The following SLC25A28 variants were observed in gnomAD, a reference collection of about 807,000 sequenced individuals.
SLC25A28 encodes the protein mitoferrin-2.
SLC25A28 carries 10 observed loss-of-function variants against 31.9 expected under a neutral mutation model. That is an observed-to-expected ratio of 0.31 (90% confidence interval 0.19 to 0.53). The LOEUF (loss-of-function observed/expected upper bound fraction) is 0.53. Among genes scored for constraint, SLC25A28 ranks in the 20% least tolerant of loss-of-function variants. The pLI is 0.95. For missense variants in SLC25A28, 256 were observed against 490.3 expected, an observed-to-expected ratio of 0.52 and a Z score of 4.51; for synonymous variants, 208 against 203.6, an observed-to-expected ratio of 1.02 and a Z score of -0.19.
At chr10:99,625,007 G>A (rs1404228471), upstream of SLC25A28, among the ~76,000 whole-genome samples, 7 of 152,050 alleles carry the variant, frequency 4.6e-5, no homozygotes, top group African/African-American at 9.6e-5. Flanking sequence ...GAATGAAGCC[G>A]CGGACACTCG....
chr10:99,629,543 T>C, the SLC25A28 span, among the ~76,000 whole-genome samples: 1 of 152,116 alleles, frequency 6.6e-6, no homozygotes, highest in South Asian at 2.1e-4. Context: ...AGACAAATAA[T>C]GGATAAATAG....
Position 99,617,853 on chromosome 10 carries a change from T to A in SLC25A28, c.291+2192A>T, listed in dbSNP as rs144432763. The A allele has an allele frequency of 1.6e-5, 13 of 834,908 alleles. No homozygotes were observed. In the African/African-American group the frequency reaches 2.4e-4, roughly 15 times the overall value. 51.7% of individuals were successfully genotyped at this position (834,908 alleles called of 1,614,324 possible). On this transcript the variant is annotated intron_variant, in intron 1 of 3. Coordinates refer to ENST00000370495, the MANE Select transcript of SLC25A28 (RefSeq NM_031212.4). ...TAAAAAACAAAAATTCCAAAGTTTA[T>A]GTAAATGAGTAAGAACTGTTCTTCA...
At chr10:99,654,523 G>A in the SLC25A28 span, among the ~76,000 whole-genome samples, 1 of 152,110 alleles carries the variant, frequency 6.6e-6, no homozygotes. Context: ...CTAGCCAGGT[G>A]TGGTGACGTG....
chr10:99,658,753 G>A, the SLC25A28 span, among the ~76,000 whole-genome samples: 1 of 152,304 alleles, frequency 6.6e-6, no homozygotes, highest in Non-Finnish European at 1.5e-5. Context: ...GTTGGAAAGA[G>A]CTTGGACTTT....
the SLC25A28 span, among the ~76,000 whole-genome samples, chr10:99,627,219 C>T: frequency 1.3e-3 from 202 of 151,382 alleles, 1 homozygote; most frequent in African/African-American, 4.8e-3. Flanking sequence ...CCAGCCTAGG[C>T]GACAGACCGA....
In SLC25A28 at chr10:99,613,456, A is replaced by T. The variant is rs2034577121; in HGVS notation, c.520+240T>A. On this transcript the variant is annotated intron_variant, in intron 2 of 3. Coordinates refer to ENST00000370495, the MANE Select transcript of SLC25A28 (RefSeq NM_031212.4). This position sits in a 1 kb window ranked among gnomAD's most constrained non-coding sequence, Gnocchi z 4.9. ...TGATGCCAGGGAGATGAGAGGAACA[A>T]GTCAAGCTGGTAGGTAAGGGAGGAT... 2.2e-6 allele frequency: 3 copies of T among 1,391,150 alleles called. No homozygotes were observed. The African/African-American group carries it at 4.4e-5, about 20-fold the overall frequency. 86.2% of individuals were successfully genotyped at this position (1,391,150 alleles called of 1,614,324 possible).
At chr10:99,636,715 A>G in the SLC25A28 span, among the ~76,000 whole-genome samples, 2 of 152,198 alleles carry the variant, frequency 1.3e-5, no homozygotes, top group Non-Finnish European at 2.9e-5. Flanking sequence ...TACCTGGAAA[A>G]ATATAACCCC....
At chr10:99,651,608 T>TTTTTTTTTTTTTTGG in the SLC25A28 span, among the ~76,000 whole-genome samples, 1 of 148,522 alleles carries the variant, frequency 6.7e-6, no homozygotes, top group African/African-American at 2.5e-5. Context: ...TTTTTTTTTT[T>TTTTTTTTTTTTTTGG]GAGGTAGGGT....
chr10:99,614,012 C>A, intron 1 of SLC25A28, 88 bp from the exon 2 acceptor site: 1 of 1,398,512 alleles, frequency 7.2e-7, no homozygotes, highest in Non-Finnish European at 9.5e-7. Flanking sequence ...CTACATGGAG[C>A]TGTGCCAATC....
At chr10:99,658,213 C>T in the SLC25A28 span, among the ~76,000 whole-genome samples, 12 of 152,084 alleles carry the variant, frequency 7.9e-5, no homozygotes, top group Non-Finnish European at 1.5e-4. Flanking sequence ...AAGTAGTTTT[C>T]CTAATGTCCT....
chr10:99,632,071 T>C, the SLC25A28 span, among the ~76,000 whole-genome samples: 1 of 150,066 alleles, frequency 6.7e-6, no homozygotes, highest in Non-Finnish European at 1.5e-5. Flanking sequence ...TAATTTTTTG[T>C]ATTTTTAGTA....
chr10:99,616,319 GTCAT>G lies in SLC25A28; in HGVS notation c.292-2399_292-2396del. 3 of 784,946 alleles carry G rather than the reference GTCAT, an allele frequency of 3.8e-6. No individual in the cohort carries two copies. The African/African-American group carries it at 5.6e-5, about 15-fold the overall frequency. 48.6% of individuals were successfully genotyped at this position (784,946 alleles called of 1,614,324 possible). On this transcript the variant is annotated intron_variant, in intron 1 of 3. Transcript: ENST00000370495. ...CTTAACCTCTTTAAGCTTCAAAATT[GTCAT>G]CTATAACATGAGGCCAAGAATGACT...
At chr10:99,639,293 C>A in the SLC25A28 span, among the ~76,000 whole-genome samples, 1 of 146,436 alleles carries the variant, frequency 6.8e-6, no homozygotes, top group Non-Finnish European at 1.5e-5. Flanking sequence ...TGTGAGGATG[C>A]AAAGCCATAA....
chr10:99,658,448 GGACA>G, the SLC25A28 span, among the ~76,000 whole-genome samples: 21 of 152,236 alleles, frequency 1.4e-4, no homozygotes, highest in African/African-American at 5.1e-4. Context: ...CTGTCTAGTG[GGACA>G]GACAGACAGA....
upstream of SLC25A28, among the ~76,000 whole-genome samples, chr10:99,623,965 C>G (rs1163727053): frequency 6.6e-6 from 1 of 152,170 alleles, no homozygotes; most frequent in Non-Finnish European, 1.5e-5. Flanking sequence ...AATGATGTTA[C>G]CTGAAGAATT....
the SLC25A28 span, among the ~76,000 whole-genome samples, chr10:99,633,449 A>G: frequency 7.2e-5 from 11 of 152,074 alleles, no homozygotes; most frequent in Non-Finnish European, 1.3e-4. Flanking sequence ...TAATCCCAGC[A>G]CTTTGGGAGG....
chr10:99,621,015 G>C (rs904090811), upstream of SLC25A28: 6 of 979,974 alleles, frequency 6.1e-6, no homozygotes, highest in Admixed American at 1.2e-4. Flanking sequence ...GCCCCGGAGA[G>C]CCGTGTTCCC....
In SLC25A28 at chr10:99,611,002, C is replaced by T. The variant is rs754242912; in HGVS notation, c.942G>A (p.Thr314=). Residue 314 remains threonine (T), a synonymous_variant, in exon 4 of 4, where the codon ACG becomes ACA. Transcript: ENST00000370495. The surrounding 1 kb of genome is among the most constrained non-coding windows in gnomAD (Gnocchi z 5.5). ...HITGMASAFR[T]VYQVGGVTAY... is the part of the protein sequence containing the mutation. ...CGGTCACCCCACCTACTTGATATAC[C>T]GTCCTGAAGGCACTAGCCATGCCTG... 1.2e-5 allele frequency: 20 copies of T among 1,614,070 alleles called. 1 individual carries two copies. The highest frequency in any genetic ancestry group is 3.3e-4 in the Middle Eastern group (2 of 6,084).
chr10:99,635,779 C>A, the SLC25A28 span, among the ~76,000 whole-genome samples: 122 of 152,136 alleles, frequency 8.0e-4, no homozygotes, highest in African/African-American at 2.8e-3. Context: ...TGGAAAAAGG[C>A]ATTTCATGCG....
Sources: gnomAD v4.1 joint callset for allele counts (sites outside exome capture counted in the v4.1 genomes callset) on GRCh38, gnomAD v4.1.1 for gene constraint, Gnocchi (gnomAD v3.1) non-coding constraint, MANE v1.5 for transcripts, NCBI Gene and HGNC (gene_info 2026-07-23, HGNC 2026-07-21) for gene names.